The following RNF2 variants were observed in gnomAD, a reference collection of about 807,000 sequenced individuals.
RNF2 encodes the protein E3 ubiquitin-protein ligase RING2.
A neutral mutation model predicts 37.2 loss-of-function variants in RNF2; 6 were observed. The ratio of observed to expected loss-of-function variants is 0.16; its 90% CI spans 0.09 to 0.32. The LOEUF is 0.32. Ranked by LOEUF, RNF2 falls within the 10% of genes least tolerant of loss-of-function variation. RNF2 has a pLI of 1.00. For synonymous variants in RNF2, 133 were observed against 132.7 expected, an observed-to-expected ratio of 1.00 and a Z score of -0.02; for missense variants, 251 against 404.0, an observed-to-expected ratio of 0.62 and a Z score of 3.25.
intron 1 of RNF2, among the ~76,000 whole-genome samples, chr1:185,051,933 A>G (rs1411394606): frequency 6.8e-6 from 1 of 147,198 alleles, no homozygotes; most frequent in Non-Finnish European, 1.5e-5. Context: ...TATAATATAC[A>G]TATTATATAT....
chr1:185,100,300 G>A lies in RNF2; in HGVS notation c.1010G>A (p.Ter337=). ...LYYAPTKEHK[*] ...TACGCACCTACAAAGGAGCACAAAT[G>A]AGCCTTTAAAAACCAATTCTGAGAC... is the stretch of plus-strand genomic sequence containing the variant. Residue 337 remains the stop codon, a stop_retained_variant, in exon 7 of 7, where the codon TGA becomes TAA. Coordinates refer to ENST00000367510, the MANE Select transcript of RNF2 (RefSeq NM_007212.4). The A allele has an allele frequency of 6.3e-7, 1 of 1,597,752 alleles. No individual in the cohort carries two copies. Among genetic ancestry groups the A allele is most frequent in the Non-Finnish European group, 8.5e-7 (1 of 1,174,556 alleles).
chr1:185,092,373 C>T (rs931045163), intron 3 of RNF2, among the ~76,000 whole-genome samples: 1 of 151,824 alleles, frequency 6.6e-6, no homozygotes, highest in Non-Finnish European at 1.5e-5. Flanking sequence ...GGGGGGCTTT[C>T]ACTGTGTTGG....
intron 1 of RNF2, chr1:185,046,343 G>A (rs1353863057): frequency 6.6e-6 from 1 of 152,384 alleles, no homozygotes; most frequent in South Asian, 2.1e-4. Context: ...GTCTTGGTTA[G>A]TTTCTGCGGG....
intron 1 of RNF2, among the ~76,000 whole-genome samples, chr1:185,074,607 GA>G (rs906136842): frequency 9.4e-5 from 14 of 149,098 alleles, no homozygotes; most frequent in Non-Finnish European, 1.6e-4. Context: ...CAAATACAAA[GA>G]AAAAAAAAGA....
At position 185,100,140 on chromosome 1, in the gene RNF2, A is replaced by G. The variant is rs1652036576; in HGVS notation, c.910-60A>G. 5.1e-6 allele frequency: 7 copies of G among 1,372,860 alleles called. No homozygotes were observed. The Middle Eastern group carries it at 5.9e-4, about 116-fold the overall frequency. 85.0% of individuals were successfully genotyped at this position (1,372,860 alleles called of 1,614,324 possible). On this transcript the variant is annotated intron_variant, in intron 6 of 6. Transcript: ENST00000367510. ...TTCTGTGGACTTCCATTTTAGTTTCATTTCATTATTATTGTGGTTTGTGCA... is the reference window on the plus strand; with the variant it reads ...TTCTGTGGACTTCCATTTTAGTTTCGTTTCATTATTATTGTGGTTTGTGCA...
Position 185,100,370 on chromosome 1 carries a change from G to T in RNF2, c.*69G>T, listed in dbSNP as rs1262079021. The T allele has an allele frequency of 3.9e-6, 4 of 1,019,992 alleles. No individual in the cohort carries two copies. The South Asian group carries it at 6.0e-5, about 15-fold the overall frequency. The allele number at this position is 1,019,992 out of a possible 1,614,324, so 63.2% of individuals were successfully genotyped here. ...TTTCTTTAATATTAAAGATGTACTGGCATTACTTTTATGGACAGATCTTGG... is the reference window on the plus strand; with the variant it reads ...TTTCTTTAATATTAAAGATGTACTGTCATTACTTTTATGGACAGATCTTGG... On this transcript the variant is annotated 3_prime_UTR_variant, in exon 7 of 7. Transcript: ENST00000367510.
chr1:185,069,968 T>C (rs777569023), intron 1 of RNF2, among the ~76,000 whole-genome samples: 18 of 152,262 alleles, frequency 1.2e-4, no homozygotes, highest in Non-Finnish European at 2.1e-4. Flanking sequence ...TGAGGCACAT[T>C]AACCAAAGAT....
intron 1 of RNF2, among the ~76,000 whole-genome samples, chr1:185,057,186 CT>C (rs1384221427): frequency 6.6e-6 from 1 of 152,068 alleles, no homozygotes; most frequent in Non-Finnish European, 1.5e-5. Context: ...TGGTGCACAC[CT>C]GTAGTCCCAG....
At chr1:185,082,345 C>CTTTTTTTTTTTGTTTTTTTTTTT (rs1651444193) in intron 1 of RNF2, among the ~76,000 whole-genome samples, 1 of 72,000 alleles carries the variant, frequency 1.4e-5, no homozygotes, top group Non-Finnish European at 2.9e-5. Context: ...CTCTGCAGAA[C>CTTTTTTTTTTTGTTTTTTTTTTT]TTTTTTTTTT....
intron 5 of RNF2, 68 bp downstream of exon 5, chr1:185,098,412 T>C: frequency 1.3e-6 from 2 of 1,541,598 alleles, no homozygotes; most frequent in South Asian, 2.4e-5. Context: ...AAAGGCAGTC[T>C]TGTATAAGAA....
chr1:185,061,566 T>A (rs1339385128), intron 1 of RNF2, among the ~76,000 whole-genome samples: 1 of 152,020 alleles, frequency 6.6e-6, no homozygotes, highest in African/African-American at 2.4e-5. Context: ...TGTGGAGAAG[T>A]ATGGAACTAG....
intron 1 of RNF2, among the ~76,000 whole-genome samples, chr1:185,055,003 C>G (rs1255049149): frequency 6.6e-6 from 1 of 152,208 alleles, no homozygotes; most frequent in African/African-American, 2.4e-5. Context: ...CCTGCTGTTT[C>G]TTTTCACCAA....
At chr1:185,095,006 A>G (rs192607374) in intron 4 of RNF2, among the ~76,000 whole-genome samples, 6 of 152,312 alleles carry the variant, frequency 3.9e-5, no homozygotes, top group Non-Finnish European at 8.8e-5. Flanking sequence ...TTAAGTTTCC[A>G]TAGATAATTC....
At chr1:185,054,009 G>C (rs1361565983) in intron 1 of RNF2, among the ~76,000 whole-genome samples, 1 of 151,968 alleles carries the variant, frequency 6.6e-6, no homozygotes, top group African/African-American at 2.4e-5. Flanking sequence ...CCCCCACCCA[G>C]TGTTTCTCTA....
chr1:185,096,686 T>G (rs1374960121), intron 4 of RNF2, among the ~76,000 whole-genome samples: 1 of 152,190 alleles, frequency 6.6e-6, no homozygotes, highest in Non-Finnish European at 1.5e-5. Context: ...AGCATGTCTA[T>G]TCATGTTGTA....
At chr1:185,080,727 AACTT>A (rs1316966521) in intron 1 of RNF2, among the ~76,000 whole-genome samples, 1 of 152,240 alleles carries the variant, frequency 6.6e-6, no homozygotes, top group Non-Finnish European at 1.5e-5. Flanking sequence ...AAATGCAACT[AACTT>A]GTCAATCACT....
At chr1:185,071,042 A>G (rs1047849157) in intron 1 of RNF2, among the ~76,000 whole-genome samples, 5 of 152,216 alleles carry the variant, frequency 3.3e-5, no homozygotes, top group Admixed American at 6.5e-5. Context: ...TTTGTTTGCC[A>G]AGTAATACAA....
chr1:185,096,901 C>A (rs1571328202), intron 4 of RNF2, among the ~76,000 whole-genome samples: 1 of 135,264 alleles, frequency 7.4e-6, no homozygotes, highest in South Asian at 2.3e-4. Flanking sequence ...ACTGTTATTT[C>A]TTTGTTCTGG....
intron 5 of RNF2, 128 bp downstream of exon 5, chr1:185,098,472 C>A: frequency 1.8e-6 from 2 of 1,085,680 alleles, no homozygotes; most frequent in Non-Finnish European, 1.3e-6. Context: ...CAGTTACTAG[C>A]TGCCTAGATT....
Sources: gnomAD v4.1 joint callset for allele counts (sites outside exome capture counted in the v4.1 genomes callset) on GRCh38, gnomAD v4.1.1 for gene constraint, MANE v1.5 for transcripts, NCBI Gene and HGNC (gene_info 2026-07-23, HGNC 2026-07-21) for gene names.